Variants in CREB5 observed in about 807,000 individuals in gnomAD.
CREB5 encodes cyclic AMP-responsive element-binding protein 5.
Under a neutral mutation model 57.1 loss-of-function variants are expected in CREB5, and 19 were observed. The ratio of observed to expected loss-of-function variants is 0.33; its 90% CI spans 0.23 to 0.49. The LOEUF (loss-of-function observed/expected upper bound fraction) is 0.49. CREB5 is among the 20% of genes least tolerant of loss of function. The pLI is 0.99. For missense variants in CREB5, 579 were observed against 671.6 expected (o/e 0.86, Z 1.52); for synonymous variants, 238 against 238.3 (o/e 1.00, Z 0.01).
intron 7 of CREB5, among the ~76,000 whole-genome samples, chr7:28,784,719 T>G (rs1444619167): frequency 6.6e-6 from 1 of 152,108 alleles, no homozygotes; most frequent in Non-Finnish European, 1.5e-5. Flanking sequence ...AGGATTCTTG[T>G]TAAGGGATGG....
At chr7:28,616,068 T>A (rs2128681321) in intron 5 of CREB5, among the ~76,000 whole-genome samples, 1 of 152,356 alleles carries the variant, frequency 6.6e-6, no homozygotes, top group East Asian at 1.9e-4. Context: ...ATCTGAGTAT[T>A]CTGATTGCAT....
chr7:28,757,831 C>T (rs1805419831), intron 7 of CREB5, among the ~76,000 whole-genome samples: 1 of 151,936 alleles, frequency 6.6e-6, no homozygotes, highest in Non-Finnish European at 1.5e-5. Context: ...GTTGAGCATC[C>T]CTAATCTGAA....
chr7:28,811,150 A>G (rs1809097856), intron 9 of CREB5, among the ~76,000 whole-genome samples: 1 of 152,210 alleles, frequency 6.6e-6, no homozygotes, highest in African/African-American at 2.4e-5. Context: ...TTTGTTGAAT[A>G]AATGAATGGG....
chr7:28,815,249 G>A (rs1809359395), intron 9 of CREB5, among the ~76,000 whole-genome samples: 1 of 152,130 alleles, frequency 6.6e-6, no homozygotes. Context: ...GTCCAGCCTG[G>A]ACGACATAGC....
chr7:28,741,084 A>T (rs1583649805), intron 7 of CREB5, among the ~76,000 whole-genome samples: 1 of 151,380 alleles, frequency 6.6e-6, no homozygotes, highest in East Asian at 1.9e-4. Flanking sequence ...TGTGGAATTG[A>T]GCACAGTTCA....
At chr7:28,783,374 G>T (rs1206836647) in intron 7 of CREB5, among the ~76,000 whole-genome samples, 5 of 151,942 alleles carry the variant, frequency 3.3e-5, no homozygotes, top group Admixed American at 3.3e-4. Context: ...TGTCCACAAT[G>T]TCACTTATTC....
chr7:28,672,175 GAAAA>G (rs201063096), intron 5 of CREB5, among the ~76,000 whole-genome samples: 2,982 of 88,130 alleles, frequency 0.034, 41 homozygotes, highest in Admixed American at 0.039. Flanking sequence ...TTGTATTATG[GAAAA>G]AAAAAAAAAA....
intron 6 of CREB5, among the ~76,000 whole-genome samples, chr7:28,723,444 C>A (rs1413066756): frequency 6.6e-6 from 1 of 152,202 alleles, no homozygotes; most frequent in Non-Finnish European, 1.5e-5. Context: ...GGCAGGCCAG[C>A]AGGAAGACAA....
chr7:28,435,908 T>C (rs947796057), intron 1 of CREB5, among the ~76,000 whole-genome samples: 1 of 152,254 alleles, frequency 6.6e-6, no homozygotes, highest in Admixed American at 6.5e-5. Flanking sequence ...AGTAATACCA[T>C]ATACATATAT....
chr7:28,687,219 G>T (rs529062385), intron 5 of CREB5, among the ~76,000 whole-genome samples: 1 of 152,042 alleles, frequency 6.6e-6, no homozygotes, highest in South Asian at 2.1e-4. Context: ...GTTGTTCCAC[G>T]TGCTAATTAA....
At chr7:28,422,169 C>T (rs1456108682) in intron 1 of CREB5, among the ~76,000 whole-genome samples, 2 of 152,054 alleles carry the variant, frequency 1.3e-5, no homozygotes, top group African/African-American at 4.8e-5. Flanking sequence ...TATCAAGGAA[C>T]ATTCTGTGGA....
At chr7:28,750,291 T>C (rs2128762983) in intron 7 of CREB5, among the ~76,000 whole-genome samples, 1 of 152,294 alleles carries the variant, frequency 6.6e-6, no homozygotes, top group East Asian at 1.9e-4. Flanking sequence ...CTTGGGGTCG[T>C]CACTGTCCTG....
At position 28,686,252 on chromosome 7, in the gene CREB5, C is replaced by T. The variant is rs181371289; in HGVS notation, c.465-32501C>T. 5,348 of 1,384,796 alleles carry T rather than the reference C, an allele frequency of 3.9e-3. 29 individuals are homozygous for T. Among genetic ancestry groups the T allele is most frequent in the South Asian group, 0.011 (969 of 86,400 alleles). 85.8% of individuals were successfully genotyped at this position (1,384,796 alleles called of 1,614,324 possible). ...CTGATTTTATAGATTTTTTTTGCCC[C>T]TACTGCCTTCTGTTTTTGAGCCTTC... On this transcript the variant is annotated intron_variant, in intron 5 of 10. Transcript: ENST00000357727.
At chr7:28,451,957 C>T (rs990892598) in intron 1 of CREB5, among the ~76,000 whole-genome samples, 2 of 152,130 alleles carry the variant, frequency 1.3e-5, no homozygotes, top group East Asian at 1.9e-4. Context: ...ATGGAAGTTG[C>T]GGGAAGGTGT....
intron 1 of CREB5, among the ~76,000 whole-genome samples, chr7:28,312,924 T>C (rs1205951195): frequency 6.6e-6 from 1 of 152,160 alleles, no homozygotes; most frequent in African/African-American, 2.4e-5. Context: ...CAAAGAACCT[T>C]ATGAGACTTG....
intron 7 of CREB5, among the ~76,000 whole-genome samples, chr7:28,783,555 T>C (rs1807118802): frequency 6.6e-6 from 1 of 152,142 alleles, no homozygotes; most frequent in Non-Finnish European, 1.5e-5. Flanking sequence ...TAGGTTATTT[T>C]GAAATTAAAA....
intron 7 of CREB5, among the ~76,000 whole-genome samples, chr7:28,767,276 C>T (rs1016832393): frequency 1.3e-5 from 2 of 152,034 alleles, no homozygotes; most frequent in Admixed American, 6.6e-5. Context: ...ATTATGTGTA[C>T]CAGACTGGGC....
intron 1 of CREB5, among the ~76,000 whole-genome samples, chr7:28,382,982 G>C (rs2127996279): frequency 6.6e-6 from 1 of 152,302 alleles, no homozygotes; most frequent in South Asian, 2.1e-4. Flanking sequence ...ATTCTATGTA[G>C]GGTTAAGCCT....
At chr7:28,401,874 A>G (rs1397088079) in intron 1 of CREB5, among the ~76,000 whole-genome samples, 2 of 152,182 alleles carry the variant, frequency 1.3e-5, no homozygotes, top group East Asian at 1.9e-4. Context: ...ATAAACATAC[A>G]TGTGCTTGTG....
Sources: gnomAD v4.1 joint callset for allele counts (sites outside exome capture counted in the v4.1 genomes callset) on GRCh38, gnomAD v4.1.1 for gene constraint, MANE v1.5 for transcripts, NCBI Gene and HGNC (gene_info 2026-07-23, HGNC 2026-07-21) for gene names.